Variants in PCDHGB5 observed in about 807,000 individuals in gnomAD.
PCDHGB5 encodes the protein protocadherin gamma-B5.
A neutral mutation model predicts 62.9 loss-of-function variants in PCDHGB5; 48 were observed. The ratio of observed to expected loss-of-function variants is 0.76; its 90% confidence interval spans 0.61 to 0.97. PCDHGB5 has a LOEUF of 0.97. Ranked by LOEUF, PCDHGB5 falls within the 50% of genes least tolerant of loss-of-function variation. PCDHGB5 has a pLI of 0.00. For synonymous variants in PCDHGB5, 474 were observed against 511.2 expected (o/e 0.93, Z 0.98); for missense variants, 1,118 against 1,198.6 (o/e 0.93, Z 0.99).
At chr5:141,478,694 T>A (rs2099472305) in intron 1 of PCDHGB5, 1 of 1,550,598 alleles carries the variant, frequency 6.4e-7, no homozygotes, top group Admixed American at 2.0e-5. Flanking sequence ...TAGATCAAAG[T>A]TAGTGCCTTT....
In PCDHGB5 at chr5:141,472,878, C is replaced by T. The variant is rs774209715; in HGVS notation, c.2398-21929C>T. ...GCACATGCCTGTATTCCCAGCTACT[C>T]GGGAGGCTGAGGCAGGAGAATTGCT... On this transcript the variant is annotated intron_variant, in intron 1 of 3. Transcript: ENST00000617380. 6.8e-5 allele frequency among the ~76,000 whole-genome samples: 10 copies of T among 146,132 alleles called. 1 individual carries two copies. The highest frequency in any genetic ancestry group is 4.2e-4 in the East Asian group (2 of 4,758).
chr5:141,403,532 C>A (rs1313886103), intron 1 of PCDHGB5: 1 of 1,613,892 alleles, frequency 6.2e-7, no homozygotes, highest in Non-Finnish European at 8.5e-7. Context: ...AAACCCAGAG[C>A]TGGTGCTGGA....
chr5:141,435,593 G>T (rs183768133), intron 1 of PCDHGB5, among the ~76,000 whole-genome samples: 1 of 152,112 alleles, frequency 6.6e-6, no homozygotes, highest in East Asian at 1.9e-4. Flanking sequence ...CAGTAATATC[G>T]CCTGCTTTTT....
intron 1 of PCDHGB5, chr5:141,413,769 G>T: frequency 6.2e-7 from 1 of 1,612,870 alleles, no homozygotes; most frequent in Non-Finnish European, 8.5e-7. Flanking sequence ...ACCCGGAGCT[G>T]GTACTGGAGC....
intron 1 of PCDHGB5, chr5:141,422,008 C>T (rs767148055): frequency 1.2e-5 from 20 of 1,609,502 alleles, no homozygotes; most frequent in Admixed American, 5.1e-5. Context: ...CTCCGGAACT[C>T]GGGTGCTGAT....
intron 1 of PCDHGB5, chr5:141,417,573 C>A: frequency 2.7e-6 from 1 of 377,070 alleles, no homozygotes; most frequent in Non-Finnish European, 4.7e-6. Flanking sequence ...AGTCAAGTTG[C>A]AGTCCCACAC....
chr5:141,459,084 A>T (rs2098960410), intron 1 of PCDHGB5, among the ~76,000 whole-genome samples: 2 of 152,204 alleles, frequency 1.3e-5, no homozygotes, highest in Non-Finnish European at 2.9e-5. Flanking sequence ...TGCCTTTTAA[A>T]ATTATACAGT....
chr5:141,421,280 G>T (rs564480755), intron 1 of PCDHGB5: 1 of 1,612,948 alleles, frequency 6.2e-7, no homozygotes, highest in African/African-American at 1.3e-5. Context: ...CTGCTGCTGT[G>T]CATTTTCCTG....
chr5:141,485,387 C>T lies in PCDHGB5; in HGVS notation c.2398-9420C>T. The T allele has an allele frequency of 6.2e-7, 1 of 1,614,078 alleles. No homozygotes were observed. Among genetic ancestry groups the T allele is most frequent in the Non-Finnish European group, 8.5e-7 (1 of 1,179,994 alleles). On this transcript the variant is annotated intron_variant, in intron 1 of 3. Coordinates refer to ENST00000617380, the MANE Select transcript of PCDHGB5 (RefSeq NM_018925.3). This position sits in a 1 kb window ranked among gnomAD's most constrained non-coding sequence, Gnocchi z 5.7. ...GCTGCAGGTCGCTGGAGAGGTGAAC[C>T]AAAGACACTTCCGTGTGGATTTGGA...
chr5:141,426,722 T>G (rs1022367359), intron 1 of PCDHGB5: 1 of 447,734 alleles, frequency 2.2e-6, no homozygotes, highest in Non-Finnish European at 4.6e-6. Context: ...AACTAGCAAT[T>G]CCAGGCATTC....
Position 141,511,995 on chromosome 5 carries a change from A to G in PCDHGB5, c.*822A>G, listed in dbSNP as rs1049905198. The G allele has an allele frequency of 1.3e-5, 2 of 153,074 alleles. No homozygotes were observed. The highest frequency in any genetic ancestry group is 4.8e-5 in the African/African-American group (2 of 41,464). The allele number at this position is 153,074 out of a possible 1,614,324, so 9.5% of individuals were successfully genotyped here. On this transcript the variant is annotated 3_prime_UTR_variant, in exon 4 of 4. Transcript: ENST00000617380. The stretch of plus-strand genomic sequence containing the variant: ...GGATGTGGATGGTGGGGGCATGGAC[A>G]AAGCTTGACACATCAAGTTATCAAG...
rs375762745 is a variant in PCDHGB5 at position 141,399,041 on chromosome 5, T to A, written c.914T>A (p.Phe305Tyr). 150 of 1,613,746 alleles carry A rather than the reference T, an allele frequency of 9.3e-5. No homozygotes were observed. The highest frequency in any genetic ancestry group is 1.2e-4 in the Non-Finnish European group (146 of 1,179,884). ...ATTACCACTCAAAAGAAACTGGATT[T>A]TGAAGAGACCAAGGAATATTCAATG... The part of the protein sequence containing the change: ...GEITTQKKLD[F>Y]EETKEYSMVV... Residue 305 changes from phenylalanine (F) to tyrosine (Y), a missense_variant, in exon 1 of 4, where the codon TTT becomes TAT. Phe to Tyr is a conservative substitution (Grantham distance 22). Coordinates refer to ENST00000617380, the MANE Select transcript of PCDHGB5 (RefSeq NM_018925.3).
chr5:141,505,520 C>T, intron 3 of PCDHGB5, 39 bp downstream of exon 3: 1 of 1,612,650 alleles, frequency 6.2e-7, no homozygotes, highest in Non-Finnish European at 8.5e-7. Flanking sequence ...AGTGGGAGAC[C>T]TGGGGTTCTG....
chr5:141,423,474 T>C, intron 1 of PCDHGB5: 1 of 1,614,004 alleles, frequency 6.2e-7, no homozygotes, highest in Non-Finnish European at 8.5e-7. Flanking sequence ...GGGTACAGGC[T>C]TTCCTGCAAA....
At position 141,489,295 on chromosome 5, in the gene PCDHGB5, T is replaced by C. The variant is rs2099685128; in HGVS notation, c.2398-5512T>C. 1.3e-6 allele frequency: 2 copies of C among 1,581,054 alleles called. No individual in the cohort carries two copies. The highest frequency in any genetic ancestry group is 1.7e-5 in the Admixed American group (1 of 57,148). ...TGGGAAATGGCAAGTGCTGTGCATG[T>C]TGTCCTTGTGCTGCTGGGGCTGGGT... On this transcript the variant is annotated intron_variant, in intron 1 of 3. Transcript: ENST00000617380. The surrounding 1 kb of genome is among the most constrained non-coding windows in gnomAD (Gnocchi z 4.5).
In PCDHGB5 at chr5:141,410,323, G is replaced by T. The variant is rs1415994094; in HGVS notation, c.2397+9799G>T. 3.7e-6 allele frequency: 6 copies of T among 1,613,884 alleles called. No homozygotes were observed. The South Asian group carries it at 5.5e-5, about 15-fold the overall frequency. ...TCTCAGTGCTCTTCCTCCTCGCCGT[G>T]ATTCTGGCCATTGCCTTGCGCCTGC... is the stretch of plus-strand genomic sequence containing the variant. On this transcript the variant is annotated intron_variant, in intron 1 of 3. Transcript: ENST00000617380.
chr5:141,435,838 C>T (rs1037110579), intron 1 of PCDHGB5, among the ~76,000 whole-genome samples: 1 of 152,062 alleles, frequency 6.6e-6, no homozygotes, highest in Non-Finnish European at 1.5e-5. Context: ...TGCCTATCTA[C>T]TTTGAAAGAT....
At position 141,400,337 on chromosome 5, in the gene PCDHGB5, C is replaced by T; in HGVS notation, c.2210C>T (p.Pro737Leu). The T allele has an allele frequency of 6.2e-7, 1 of 1,614,080 alleles. No individual in the cohort carries two copies. Among genetic ancestry groups the T allele is most frequent in the Non-Finnish European group, 8.5e-7 (1 of 1,179,912 alleles). ...GTCAAGTCTGGACCTGTGGTTCCCC[C>T]CAACTACAGTCAGGGGACTTTGCCT... Reference protein sequence around the residue: ...LCVKSGPVVPPNYSQGTLPYS... With the variant: ...LCVKSGPVVPLNYSQGTLPYS... The change falls in exon 1 of 4, where the codon CCC becomes CTC. Residue 737 changes from proline to leucine, a missense_variant. Physicochemically the swap from Pro to Leu is moderately conservative, Grantham distance 98. This residue lies in a region of PCDHGB5 where 1,034 missense variants were observed against 1,029.1 expected (regional missense o/e 1.00). Transcript: ENST00000617380.
intron 1 of PCDHGB5, among the ~76,000 whole-genome samples, chr5:141,450,782 C>G (rs1012152203): frequency 6.6e-6 from 1 of 151,236 alleles, no homozygotes; most frequent in Non-Finnish European, 1.5e-5. Context: ...CCACCGTGCC[C>G]GGACCTCATG....
Sources: allele counts gnomAD v4.1 joint callset (sites outside exome capture counted in the v4.1 genomes callset), GRCh38; gene constraint gnomAD v4.1.1; regional missense constraint gnomAD v4.1.1; non-coding constraint Gnocchi (gnomAD v3.1); transcripts MANE v1.5; gene names NCBI Gene and HGNC (gene_info 2026-07-23, HGNC 2026-07-21).